The following PLCE1 variants were observed in gnomAD, a reference collection of about 807,000 sequenced individuals.
PLCE1 encodes phospholipase C epsilon 1.
PLCE1 carries 119 observed loss-of-function variants against 242.8 expected under a neutral mutation model. That is an observed-to-expected ratio of 0.49 (90% CI 0.42 to 0.57). The LOEUF is 0.57. PLCE1 is among the 20% of genes least tolerant of loss of function. PLCE1 has a pLI of 0.00. For missense variants in PLCE1, 2,441 were observed against 2,788.8 expected (o/e 0.88, Z 2.81); for synonymous variants, 945 against 1,017.4 (o/e 0.93, Z 1.35).
At chr10:94,097,722 G>C (rs909660977) in intron 2 of PLCE1, among the ~76,000 whole-genome samples, 1 of 152,188 alleles carries the variant, frequency 6.6e-6, no homozygotes, top group Non-Finnish European at 1.5e-5. Flanking sequence ...GGAAAGTTCA[G>C]CTATTTGCAC....
At chr10:94,140,158 T>A (rs1013469661) in intron 3 of PLCE1, among the ~76,000 whole-genome samples, 1 of 152,168 alleles carries the variant, frequency 6.6e-6, no homozygotes, top group African/African-American at 2.4e-5. Context: ...TATTTAGCTA[T>A]ATTAAAGTTA....
intron 21 of PLCE1, 24 bp from the exon 22 acceptor site, chr10:94,284,824 A>T: frequency 8.0e-7 from 1 of 1,255,618 alleles, no homozygotes; most frequent in Middle Eastern, 1.8e-4. Flanking sequence ...TCCATGTAAA[A>T]TGGTATCATT....
At chr10:94,269,826 T>C (rs1036561206) in intron 17 of PLCE1, among the ~76,000 whole-genome samples, 2 of 152,332 alleles carry the variant, frequency 1.3e-5, no homozygotes, top group South Asian at 2.1e-4. Flanking sequence ...ACTGGATTTG[T>C]GTTTCAAATT....
At chr10:94,188,569 T>C (rs749840115) in intron 4 of PLCE1, among the ~76,000 whole-genome samples, 8 of 152,198 alleles carry the variant, frequency 5.3e-5, no homozygotes, top group Non-Finnish European at 7.3e-5. Flanking sequence ...GCAGCCTGCA[T>C]AGCTTGGTTT....
chr10:94,133,323 C>T (rs1426274937), intron 3 of PLCE1, among the ~76,000 whole-genome samples: 1 of 152,168 alleles, frequency 6.6e-6, no homozygotes, highest in African/African-American at 2.4e-5. Context: ...ATGAACTTCC[C>T]AGCTACTTCC....
chr10:94,208,079 T>C (rs1189516477), intron 4 of PLCE1, among the ~76,000 whole-genome samples: 1 of 151,978 alleles, frequency 6.6e-6, no homozygotes, highest in East Asian at 1.9e-4. Context: ...TAATAGAGGG[T>C]ATATGAAGAG....
chr10:94,056,847 CT>C (rs1356905152), intron 2 of PLCE1, among the ~76,000 whole-genome samples: 1 of 136,352 alleles, frequency 7.3e-6, no homozygotes, highest in Non-Finnish European at 1.6e-5. Flanking sequence ...TAGTAATCTG[CT>C]TTTTGTCTTT....
rs760939412 is a variant in PLCE1 at position 94,262,735 on chromosome 10, T to C, written c.4053+3T>C. ...ATGAAATCCTCAGCATCATCCAGGTTTGTGCCTGTTTTGTGTGTGCATGTG... is the reference window on the plus strand; with the variant it reads ...ATGAAATCCTCAGCATCATCCAGGTCTGTGCCTGTTTTGTGTGTGCATGTG... On this transcript the variant is annotated splice_donor_region_variant and intron_variant, in intron 14 of 32. Transcript: ENST00000371380. 1 of 1,597,066 alleles carries C rather than the reference T, an allele frequency of 6.3e-7. No individual in the cohort carries two copies. The highest frequency in any genetic ancestry group is 1.1e-5 in the South Asian group (1 of 90,756).
intron 4 of PLCE1, among the ~76,000 whole-genome samples, chr10:94,200,008 G>A (rs1006643470): frequency 3.9e-5 from 6 of 152,186 alleles, no homozygotes; most frequent in African/African-American, 1.4e-4. Flanking sequence ...GAAACAAAAA[G>A]CTGTAAGAAA....
At position 94,298,531 on chromosome 10, in the gene PLCE1, C is replaced by T. The variant is rs1386309138; in HGVS notation, c.5320C>T (p.Gln1774Ter). 1 of 1,614,100 alleles carries T rather than the reference C, an allele frequency of 6.2e-7. No individual in the cohort carries two copies. Among genetic ancestry groups the T allele is most frequent in the South Asian group, 1.1e-5 (1 of 91,076 alleles). The stretch of plus-strand genomic sequence containing the variant: ...CAAACGTCTGTGTCGCAGGTATTCT[C>T]AGAAACTGACCCAGCACACCGCCTG... Reference protein sequence around the residue: ...AAKRLCRRYSQKLTQHTACQL... With the variant: ...AAKRLCRRYS The change falls in exon 24 of 33, where the codon CAG becomes TAG. Residue 1774 changes from glutamine to a stop codon, truncating the protein, a stop_gained. Coordinates refer to ENST00000371380, the MANE Select transcript of PLCE1 (RefSeq NM_016341.4). LOFTEE classifies it high-confidence loss of function. This position sits in a 1 kb window ranked among gnomAD's most constrained non-coding sequence, Gnocchi z 5.2.
At chr10:94,315,287 T>C in intron 28 of PLCE1, 2 of 398,200 alleles carry the variant, frequency 5.0e-6, no homozygotes, top group Middle Eastern at 7.3e-4. Flanking sequence ...GTGAGATGTG[T>C]TCGCTCTGGG....
At chr10:94,084,120 C>T (rs1278774658) in intron 2 of PLCE1, among the ~76,000 whole-genome samples, 1 of 152,202 alleles carries the variant, frequency 6.6e-6, no homozygotes, top group Non-Finnish European at 1.5e-5. Context: ...GAGTGCGCTT[C>T]GACAACCAGC....
chr10:94,101,339 A>C (rs2045529446), intron 2 of PLCE1, among the ~76,000 whole-genome samples: 1 of 152,250 alleles, frequency 6.6e-6, no homozygotes, highest in Non-Finnish European at 1.5e-5. Context: ...AGGAAAAAAA[A>C]ATAAAGTAAT....
At chr10:94,091,183 G>A (rs148051139) in intron 2 of PLCE1, among the ~76,000 whole-genome samples, 210 of 152,228 alleles carry the variant, frequency 1.4e-3, no homozygotes, top group African/African-American at 4.7e-3. Context: ...GGGAACAGTC[G>A]CCATGGATTA....
intron 4 of PLCE1, among the ~76,000 whole-genome samples, chr10:94,186,589 A>G (rs2048485803): frequency 6.6e-6 from 1 of 152,246 alleles, no homozygotes; most frequent in Admixed American, 6.5e-5. Flanking sequence ...TGTCAAATCT[A>G]ATAGGAATTA....
intron 2 of PLCE1, among the ~76,000 whole-genome samples, chr10:94,084,721 A>C (rs889613756): frequency 6.6e-6 from 1 of 152,210 alleles, no homozygotes; most frequent in Non-Finnish European, 1.5e-5. Flanking sequence ...CTTGCTGCTT[A>C]AATCTTCACA....
At chr10:94,032,389 G>T in intron 2 of PLCE1, 137 bp downstream of exon 2, 2 of 805,992 alleles carry the variant, frequency 2.5e-6, no homozygotes, top group East Asian at 2.7e-5. Flanking sequence ...AGCATTTGTG[G>T]TTATTGAAAA....
chr10:94,013,308 T>C (rs1007471358), intron 1 of PLCE1, among the ~76,000 whole-genome samples: 3 of 151,880 alleles, frequency 2.0e-5, no homozygotes, highest in Non-Finnish European at 4.4e-5. Flanking sequence ...CTAGGAGGAG[T>C]GAAGTGAGGA....
In PLCE1 at chr10:94,292,143, T is replaced by C. The variant is rs1461178477; in HGVS notation, c.5036-1365T>C. Among the ~76,000 whole-genome samples, 4 of 152,318 alleles carry C rather than the reference T, an allele frequency of 2.6e-5. No individual in the cohort carries two copies. In the South Asian group the frequency reaches 6.2e-4, roughly 24 times the overall value. On this transcript the variant is annotated intron_variant, in intron 22 of 32. Transcript: ENST00000371380. ...TTAAGATCAAGGTATGAGAACTCAA[T>C]AGTCTAAGTTTGTGCATGTTTGCTA...
Sources: gnomAD v4.1 joint callset for allele counts (sites outside exome capture counted in the v4.1 genomes callset) on GRCh38, gnomAD v4.1.1 for gene constraint, Gnocchi (gnomAD v3.1) non-coding constraint, MANE v1.5 for transcripts, NCBI Gene and HGNC (gene_info 2026-07-23, HGNC 2026-07-21) for gene names.